AKAP9: variants seen among roughly 807,000 people sequenced by gnomAD.
AKAP9 encodes A-kinase anchor protein 9.
Under a neutral mutation model 488.5 loss-of-function variants are expected in AKAP9, and 311 were observed. That is an observed-to-expected ratio of 0.64 (90% CI 0.58 to 0.70). The LOEUF (loss-of-function observed/expected upper bound fraction) is 0.70. AKAP9 is among the 30% of genes least tolerant of loss of function. The pLI is 0.00. For synonymous variants in AKAP9, 1,462 were observed against 1,483.5 expected (o/e 0.99, Z 0.33); for missense variants, 4,215 against 4,374.5 (o/e 0.96, Z 1.03).
chr7:92,106,157 C>T (rs1261292493), intron 47 of AKAP9, among the ~76,000 whole-genome samples: 1 of 152,198 alleles, frequency 6.6e-6, no homozygotes, highest in East Asian at 1.9e-4. Context: ...TGAATTACTG[C>T]ATGTGTAATA....
rs1308841483 is a variant in AKAP9 at position 92,062,306 on chromosome 7, C to T, written c.5797C>T (p.Leu1933Phe). ...TGATGGCTATGCAGATGAAAAAACT[C>T]TTTTTGAAAGGCAAATTCAGGAAAA... ...VIDGYADEKT[L>F]FERQIQEKTD... Residue 1933 changes from leucine to phenylalanine, a missense_variant, in exon 24 of 50, where the codon CTT (leucine) becomes TTT (phenylalanine). Leu to Phe is a conservative substitution (Grantham distance 22). Transcript: ENST00000356239. 1.2e-6 allele frequency: 2 copies of T among 1,613,506 alleles called. No homozygotes were observed. The highest frequency in any genetic ancestry group is 1.7e-6 in the Non-Finnish European group (2 of 1,179,712).
chr7:92,004,490 C>A (rs567079471), intron 8 of AKAP9, among the ~76,000 whole-genome samples: 1 of 152,190 alleles, frequency 6.6e-6, no homozygotes, highest in African/African-American at 2.4e-5. Context: ...TCTTTTATTT[C>A]GTTGAGCAGT....
chr7:91,979,057 C>T (rs1307255820), intron 2 of AKAP9, among the ~76,000 whole-genome samples: 1 of 151,004 alleles, frequency 6.6e-6, no homozygotes, highest in Non-Finnish European at 1.5e-5. Flanking sequence ...GGATTACAGG[C>T]ATGAGCCACC....
intron 8 of AKAP9, among the ~76,000 whole-genome samples, chr7:92,004,849 A>G (rs1799612437): frequency 6.6e-6 from 1 of 152,164 alleles, no homozygotes. Flanking sequence ...AACTTCCAAC[A>G]CTATGTTGAA....
At chr7:92,097,383 A>G (rs1816800056) in intron 41 of AKAP9, 26 bp downstream of exon 41, 2 of 1,607,852 alleles carry the variant, frequency 1.2e-6, no homozygotes, top group Non-Finnish European at 1.7e-6. Context: ...CTTTTTAGAT[A>G]TTTTTAAGGA....
intron 7 of AKAP9, among the ~76,000 whole-genome samples, chr7:91,998,001 C>G (rs1186103337): frequency 6.6e-6 from 1 of 152,092 alleles, no homozygotes; most frequent in Non-Finnish European, 1.5e-5. Flanking sequence ...CTTTTTGGCA[C>G]CAGGGCCAGT....
chr7:92,110,292 C>G lies in AKAP9; in HGVS notation c.*133C>G, dbSNP rs1819141058. ...CACAGCTTATGATTGTATACAAATC[C>G]CTTGCCAGCACATGAAAACAAACTG... On this transcript the variant is annotated 3_prime_UTR_variant, in exon 50 of 50. Transcript: ENST00000356239. 8.2e-6 allele frequency: 6 copies of G among 735,840 alleles called. No individual in the cohort carries two copies. Among genetic ancestry groups the G allele is most frequent in the South Asian group, 6.7e-5 (4 of 59,322 alleles). 45.6% of individuals were successfully genotyped at this position (735,840 alleles called of 1,614,324 possible). A position where few individuals can be genotyped will look rare whatever the true frequency, so the allele number is the denominator to read the frequency against.
intron 22 of AKAP9, among the ~76,000 whole-genome samples, chr7:92,056,243 G>C (rs191569480): frequency 1.3e-5 from 2 of 151,844 alleles, no homozygotes; most frequent in Admixed American, 1.3e-4. Flanking sequence ...GTTTATAAAG[G>C]GTTGTTTCTT....
At chr7:92,087,284 A>G (rs940387765) in intron 37 of AKAP9, among the ~76,000 whole-genome samples, 1 of 152,240 alleles carries the variant, frequency 6.6e-6, no homozygotes, top group African/African-American at 2.4e-5. Context: ...CTGGTACAAT[A>G]GGATAAAATG....
intron 16 of AKAP9, among the ~76,000 whole-genome samples, chr7:92,034,996 C>T (rs1003107180): frequency 3.3e-5 from 5 of 151,918 alleles, no homozygotes; most frequent in African/African-American, 4.8e-5. Context: ...CCTTTTTCTG[C>T]GTGCTTTGGA....
At position 92,013,319 on chromosome 7, in the gene AKAP9, A is replaced by G. The variant is rs1801043619; in HGVS notation, c.3532+677A>G. On this transcript the variant is annotated intron_variant, in intron 9 of 49. Coordinates refer to ENST00000356239, the MANE Select transcript of AKAP9 (RefSeq NM_005751.5). ...GTTGGAATTTTAAGGCAGGCTCTGG[A>G]GTCTTTAGAATTGAGGTGTAAGGGT... Among the ~76,000 whole-genome samples the G allele has an allele frequency of 5.9e-5, 9 of 152,044 alleles. No individual in the cohort carries two copies. The South Asian group carries it at 1.9e-3, about 32-fold the overall frequency.
At chr7:92,013,459 A>G (rs902464060) in intron 9 of AKAP9, among the ~76,000 whole-genome samples, 2 of 152,168 alleles carry the variant, frequency 1.3e-5, no homozygotes, top group Admixed American at 6.5e-5. Context: ...AGAAGCATAT[A>G]TAAGCCTTAT....
At chr7:92,108,019 CAAAAAAAAA>C (rs60351982) in intron 48 of AKAP9, 1 of 142,822 alleles carries the variant, frequency 7.0e-6, no homozygotes, top group African/African-American at 2.9e-5. Context: ...ATTTGGTCTC[CAAAAAAAAA>C]AAAAAAGAAA....
chr7:92,083,360 G>GAT lies in AKAP9; in HGVS notation c.8351_8352insAT (p.Thr2785Ter). On this transcript the variant is annotated frameshift_variant, in exon 33 of 50. Coordinates refer to ENST00000356239, the MANE Select transcript of AKAP9 (RefSeq NM_005751.5). LOFTEE classifies it high-confidence loss of function. The stretch of plus-strand genomic sequence containing the variant: ...AAGAGCATTGCATCCCAGACAGATG[G>GAT]GACTCTGAAGATCAGTAGCAGCAAT... 1 of 1,613,932 alleles carries GAT rather than the reference G, an allele frequency of 6.2e-7. No homozygotes were observed. Among genetic ancestry groups the GAT allele is most frequent in the Non-Finnish European group, 8.5e-7 (1 of 1,179,994 alleles).
chr7:92,028,054 G>A (rs2130747875), intron 14 of AKAP9, among the ~76,000 whole-genome samples: 1 of 152,016 alleles, frequency 6.6e-6, no homozygotes, highest in East Asian at 1.9e-4. Context: ...GATTAAGGGT[G>A]GTGCAAGATG....
rs935826994 is a variant in AKAP9, at chr7:92,026,088, A to G, written c.4148+3079A>G. 2.0e-5 allele frequency among the ~76,000 whole-genome samples: 3 copies of G among 152,234 alleles called. No homozygotes were observed. In the East Asian group the frequency reaches 5.8e-4, roughly 29 times the overall value. ...TTGCAATGGAAGGAATGTTGGAAAC[A>G]AAGCAGAGGGGAAAAAACAAAGATA... On this transcript the variant is annotated intron_variant, in intron 14 of 49. Coordinates refer to ENST00000356239, the MANE Select transcript of AKAP9 (RefSeq NM_005751.5).
At chr7:91,958,248 T>C (rs566500104) in intron 1 of AKAP9, among the ~76,000 whole-genome samples, 73 of 152,352 alleles carry the variant, frequency 4.8e-4, no homozygotes, top group Non-Finnish European at 7.5e-4. Flanking sequence ...AAGGGAATAA[T>C]GTATAATGTA....
At chr7:92,102,163 TAAAAAAA>T (rs71933089) in intron 45 of AKAP9, among the ~76,000 whole-genome samples, 2 of 107,482 alleles carry the variant, frequency 1.9e-5, no homozygotes, top group African/African-American at 6.9e-5. Context: ...CTCATAAATT[TAAAAAAA>T]AAATAAATAA....
intron 1 of AKAP9, among the ~76,000 whole-genome samples, chr7:91,947,157 GGTGTGTGTGTGTGTGTGCGTGT>G (rs1475963909): frequency 1.8e-3 from 218 of 120,888 alleles, no homozygotes; most frequent in African/African-American, 6.0e-3. Flanking sequence ...TGGTGTCTGG[GGTGTGTGTGTGTGTGTGCGTGT>G]GTGTGTGTGT....
Sources: allele counts gnomAD v4.1 joint callset (sites outside exome capture counted in the v4.1 genomes callset), GRCh38; gene constraint gnomAD v4.1.1; transcripts MANE v1.5; gene names NCBI Gene and HGNC (gene_info 2026-07-23, HGNC 2026-07-21).